FNDC3B: variants seen among roughly 807,000 people sequenced by gnomAD.
The protein encoded by FNDC3B is fibronectin type III domain containing 3B, also known as fibronectin type III domain-containing protein 3B.
A neutral mutation model predicts 151.5 loss-of-function variants in FNDC3B; 12 were observed. That is an observed-to-expected ratio of 0.08 (90% CI 0.05 to 0.13). The LOEUF (loss-of-function observed/expected upper bound fraction) is 0.13. Among genes scored for constraint, FNDC3B ranks in the 10% least tolerant of loss-of-function variants. The pLI is 1.00. For missense variants in FNDC3B, 1,214 were observed against 1,505.3 expected, an observed-to-expected ratio of 0.81 and a Z score of 3.20; for synonymous variants, 528 against 549.0, an observed-to-expected ratio of 0.96 and a Z score of 0.54.
At chr3:172,181,395 CAAAAAAAAAAAAA>C (rs755223783) in intron 3 of FNDC3B, among the ~76,000 whole-genome samples, 1 of 71,532 alleles carries the variant, frequency 1.4e-5, no homozygotes, top group African/African-American at 6.2e-5. Flanking sequence ...ACTCTGTCTC[CAAAAAAAAAAAAA>C]AAAAAACAAA....
intron 1 of FNDC3B, 93 bp from the exon 2 acceptor site, chr3:172,112,359 C>T (rs941366179): frequency 7.5e-5 from 54 of 716,112 alleles, no homozygotes; most frequent in South Asian, 7.0e-4. Flanking sequence ...TTGGGTTTCA[C>T]GATGGAGCAC....
At chr3:172,089,978 AGTTGTGATGGCTGTTAT>A (rs1718731986) in intron 1 of FNDC3B, among the ~76,000 whole-genome samples, 1 of 152,210 alleles carries the variant, frequency 6.6e-6, no homozygotes, top group African/African-American at 2.4e-5. Context: ...GATATCTGTC[AGTTGTGATGGCTGTTAT>A]ATGAGTTGAA....
intron 3 of FNDC3B, among the ~76,000 whole-genome samples, chr3:172,215,236 C>T (rs915814040): frequency 1.3e-5 from 2 of 152,226 alleles, no homozygotes; most frequent in Non-Finnish European, 2.9e-5. Context: ...GTTATAAAAA[C>T]ACTTGTTTGC....
intron 3 of FNDC3B, among the ~76,000 whole-genome samples, chr3:172,189,989 G>A (rs559117245): frequency 1.3e-5 from 2 of 152,252 alleles, no homozygotes; most frequent in African/African-American, 2.4e-5. Flanking sequence ...CTATTGTGCA[G>A]ATGAGGAAAC....
intron 5 of FNDC3B, among the ~76,000 whole-genome samples, chr3:172,250,890 C>T (rs904367116): frequency 6.6e-6 from 1 of 152,116 alleles, no homozygotes; most frequent in Non-Finnish European, 1.5e-5. Context: ...AATCTCAGTT[C>T]ACTGCAACCT....
At chr3:172,186,733 G>C (rs1194787214) in intron 3 of FNDC3B, 2 of 702,528 alleles carry the variant, frequency 2.8e-6, no homozygotes, top group Admixed American at 4.0e-5. Flanking sequence ...AAGAGAGCCT[G>C]CGATTGAAGA....
chr3:172,257,851 G>T (rs548525676), intron 6 of FNDC3B, among the ~76,000 whole-genome samples: 51 of 152,254 alleles, frequency 3.3e-4, no homozygotes, highest in African/African-American at 1.1e-3. Context: ...GTTTCATCAG[G>T]CACTCCAGGT....
chr3:172,145,811 CT>C (rs34361134), intron 3 of FNDC3B, among the ~76,000 whole-genome samples: 56,815 of 113,970 alleles, frequency 0.5, 12,198 homozygotes, highest in African/African-American at 0.57. Flanking sequence ...AGGTTTCTTT[CT>C]TTTTTTTTTT....
intron 1 of FNDC3B, among the ~76,000 whole-genome samples, chr3:172,078,490 G>A (rs9290442): frequency 0.63 from 95,807 of 152,014 alleles, 30,426 homozygotes; most frequent in East Asian, 0.78. Context: ...AATGTAGGTC[G>A]CTGCATCAGA....
intron 4 of FNDC3B, among the ~76,000 whole-genome samples, chr3:172,240,443 T>C (rs1367707803): frequency 6.6e-6 from 1 of 152,212 alleles, no homozygotes; most frequent in East Asian, 1.9e-4. Flanking sequence ...ATTAAAAGCA[T>C]AGCAGTATTC....
At chr3:172,157,548 C>T (rs772497211) in intron 3 of FNDC3B, among the ~76,000 whole-genome samples, 59 of 152,184 alleles carry the variant, frequency 3.9e-4, no homozygotes, top group Non-Finnish European at 6.9e-4. Flanking sequence ...ATTATAGCCA[C>T]TCCCCTTTCT....
chr3:172,197,074 G>A (rs926602456), intron 3 of FNDC3B, among the ~76,000 whole-genome samples: 3 of 152,062 alleles, frequency 2.0e-5, no homozygotes, highest in Non-Finnish European at 2.9e-5. Flanking sequence ...CCAGCTACTC[G>A]GGAGGCTGAG....
chr3:172,061,859 C>T (rs368954297), intron 1 of FNDC3B, among the ~76,000 whole-genome samples: 11 of 152,126 alleles, frequency 7.2e-5, no homozygotes, highest in African/African-American at 2.4e-4. Context: ...TTAACTAAGT[C>T]GGGGCAAAGA....
At chr3:172,163,084 G>A (rs550964789) in intron 3 of FNDC3B, among the ~76,000 whole-genome samples, 1 of 152,192 alleles carries the variant, frequency 6.6e-6, no homozygotes, top group African/African-American at 2.4e-5. Flanking sequence ...ACCAGCCTGG[G>A]CAACGACTCT....
At chr3:172,079,789 A>G (rs1411481540) in intron 1 of FNDC3B, among the ~76,000 whole-genome samples, 1 of 152,194 alleles carries the variant, frequency 6.6e-6, no homozygotes, top group Non-Finnish European at 1.5e-5. Context: ...GAGAAGTATT[A>G]TTCCTGGAAA....
chr3:172,308,111 A>G (rs1047667956), intron 10 of FNDC3B, among the ~76,000 whole-genome samples: 5 of 152,208 alleles, frequency 3.3e-5, no homozygotes, highest in Admixed American at 2.6e-4. Context: ...AACAACCTAG[A>G]ACATTTAGTG....
chr3:172,356,956 C>T (rs1259173388), intron 22 of FNDC3B, among the ~76,000 whole-genome samples: 1 of 152,058 alleles, frequency 6.6e-6, no homozygotes, highest in Non-Finnish European at 1.5e-5. Flanking sequence ...GGGAAGTCTT[C>T]CCAGCTAAGG....
chr3:172,318,696 T>C (rs1731936825), intron 11 of FNDC3B, among the ~76,000 whole-genome samples: 1 of 152,124 alleles, frequency 6.6e-6, no homozygotes, highest in Non-Finnish European at 1.5e-5. Context: ...GTTGGTTTCA[T>C]GACAAAAGCC....
intron 3 of FNDC3B, among the ~76,000 whole-genome samples, chr3:172,205,007 AC>A (rs2108696569): frequency 6.6e-6 from 1 of 152,328 alleles, no homozygotes; most frequent in East Asian, 1.9e-4. Context: ...GACGGGAAGG[AC>A]AGAATGCTTT....
Sources: allele counts gnomAD v4.1 joint callset (sites outside exome capture counted in the v4.1 genomes callset), GRCh38; gene constraint gnomAD v4.1.1; transcripts MANE v1.5; gene names NCBI Gene and HGNC (gene_info 2026-07-23, HGNC 2026-07-21).